GSAP: variants seen among roughly 807,000 people sequenced by gnomAD.
GSAP encodes gamma-secretase-activating protein.
In GSAP, 118 loss-of-function variants were observed where a neutral mutation model predicts 131.7. The ratio of observed to expected loss-of-function variants is 0.90; its 90% CI spans 0.77 to 1.04. The LOEUF (loss-of-function observed/expected upper bound fraction) is 1.04. Among genes scored for constraint, GSAP ranks in the 50% least tolerant of loss-of-function variants. The pLI, the probability that GSAP is intolerant of heterozygous loss-of-function variation, is 0.00. For synonymous variants in GSAP, 381 were observed against 363.4 expected, an observed-to-expected ratio of 1.05 and a Z score of -0.55; for missense variants, 1,019 against 1,013.2, an observed-to-expected ratio of 1.01 and a Z score of -0.08.
intron 1 of GSAP, among the ~76,000 whole-genome samples, chr7:77,412,733 T>C (rs1388428273): frequency 3.6e-5 from 5 of 139,274 alleles, no homozygotes; most frequent in African/African-American, 1.4e-4. Context: ...ATAGAGATGC[T>C]CAACCTCGGA....
intron 18 of GSAP, 81 bp downstream of exon 18, chr7:77,352,863 G>A: frequency 1.3e-6 from 1 of 768,620 alleles, no homozygotes; most frequent in Non-Finnish European, 2.2e-6. Context: ...GACCTTGATG[G>A]CTATAAGAGA....
intron 5 of GSAP, among the ~76,000 whole-genome samples, chr7:77,391,233 A>AT (rs566409163): frequency 2.0e-4 from 30 of 151,670 alleles, no homozygotes; most frequent in Non-Finnish European, 3.2e-4. Context: ...TATCAGCAAG[A>AT]TTTTCTTACC....
intron 19 of GSAP, among the ~76,000 whole-genome samples, chr7:77,345,860 T>G (rs1791724241): frequency 6.6e-6 from 1 of 152,218 alleles, no homozygotes; most frequent in Non-Finnish European, 1.5e-5. Flanking sequence ...TGGTGGTCTC[T>G]TCACCTGGAC....
chr7:77,333,041 C>T (rs1386890456), intron 19 of GSAP, among the ~76,000 whole-genome samples: 6 of 152,120 alleles, frequency 3.9e-5, no homozygotes, highest in Admixed American at 2.6e-4. Flanking sequence ...GTCGCATGCA[C>T]CTGTAGTCCC....
intron 15 of GSAP, 46 bp downstream of exon 15, chr7:77,355,509 C>G (rs749457564): frequency 6.5e-7 from 1 of 1,527,418 alleles, no homozygotes; most frequent in South Asian, 1.2e-5. Flanking sequence ...AAAGTCAAAA[C>G]AAACTCAAAT....
intron 5 of GSAP, among the ~76,000 whole-genome samples, chr7:77,389,139 ATTT>A (rs1020725553): frequency 6.6e-6 from 1 of 151,964 alleles, no homozygotes; most frequent in African/African-American, 2.4e-5. Flanking sequence ...GGGAAAATGA[ATTT>A]TTCTTATTGT....
At chr7:77,407,633 TTAG>T (rs1426093436) in intron 1 of GSAP, among the ~76,000 whole-genome samples, 1 of 152,190 alleles carries the variant, frequency 6.6e-6, no homozygotes, top group Non-Finnish European at 1.5e-5. Context: ...TTATTATGTT[TTAG>T]TATTATGTGA....
intron 20 of GSAP, 65 bp downstream of exon 20, chr7:77,330,174 G>A (rs1788888280): frequency 1.3e-6 from 2 of 1,515,690 alleles, no homozygotes; most frequent in Non-Finnish European, 1.8e-6. Flanking sequence ...ATGATTTAAA[G>A]GCATCACCTG....
Position 77,394,401 on chromosome 7 carries a change from C to T in GSAP, c.367+2581G>A, listed in dbSNP as rs531162608. On this transcript the variant is annotated intron_variant, in intron 5 of 30. Transcript: ENST00000257626. ...GCCAGAAATGTGCTTTCTCCATAGCCTCGTGCTTGTTCCATCCCCACCTTC... is the reference window on the plus strand; with the variant it reads ...GCCAGAAATGTGCTTTCTCCATAGCTTCGTGCTTGTTCCATCCCCACCTTC... Among the ~76,000 whole-genome samples the T allele has an allele frequency of 1.4e-4, 21 of 152,184 alleles. 1 individual carries two copies. Among genetic ancestry groups the T allele is most frequent in the Non-Finnish European group, 2.6e-4 (18 of 68,028 alleles).
At chr7:77,327,770 A>T (rs769713569) in intron 22 of GSAP, among the ~76,000 whole-genome samples, 1 of 152,080 alleles carries the variant, frequency 6.6e-6, no homozygotes, top group African/African-American at 2.4e-5. Context: ...GTTTATCAAG[A>T]CTTAACTCAC....
Position 77,348,857 on chromosome 7 carries a change from C to T in GSAP, c.1545+494G>A, listed in dbSNP as rs142581453. On this transcript the variant is annotated intron_variant, in intron 19 of 30. Transcript: ENST00000257626. The stretch of plus-strand genomic sequence containing the variant: ...GCCAATACAGATCACTCCTGAGAAA[C>T]AAAAAAGCTGTTTTTACAACCAGAA... 6.8e-3 allele frequency among the ~76,000 whole-genome samples: 1,040 copies of T among 152,242 alleles called. 14 individuals are homozygous for T. Among genetic ancestry groups the T allele is most frequent in the African/African-American group, 0.023 (958 of 41,552 alleles).
intron 1 of GSAP, among the ~76,000 whole-genome samples, chr7:77,414,844 C>CTGTTTTTTTTT (rs1803994472): frequency 1.7e-5 from 1 of 59,858 alleles, no homozygotes; most frequent in Non-Finnish European, 2.8e-5. Context: ...ATGTGGGCGA[C>CTGTTTTTTTTT]TTTTTTTTTT....
intron 2 of GSAP, among the ~76,000 whole-genome samples, chr7:77,405,759 G>A (rs552730288): frequency 9.9e-5 from 15 of 152,098 alleles, no homozygotes; most frequent in East Asian, 1.9e-4. Flanking sequence ...GGCTGGTCTC[G>A]ATCTCATGAC....
At chr7:77,334,314 A>C (rs1304866073) in intron 19 of GSAP, among the ~76,000 whole-genome samples, 2 of 152,114 alleles carry the variant, frequency 1.3e-5, no homozygotes, top group African/African-American at 4.8e-5. Flanking sequence ...TCAGCAAACT[A>C]ACAAAGGAAG....
At chr7:77,335,228 C>A (rs1458964462) in intron 19 of GSAP, among the ~76,000 whole-genome samples, 1 of 152,060 alleles carries the variant, frequency 6.6e-6, no homozygotes, top group Non-Finnish European at 1.5e-5. Flanking sequence ...GGTGAAAACC[C>A]GGCTCTATTA....
intron 18 of GSAP, chr7:77,351,110 T>C (rs556987156): frequency 1.2e-5 from 12 of 974,910 alleles, no homozygotes; most frequent in African/African-American, 8.8e-5. Context: ...AAGGGTATCA[T>C]GGGGACAGAG....
chr7:77,316,138 A>T (rs1472963541), intron 26 of GSAP: 1 of 152,206 alleles, frequency 6.6e-6, no homozygotes, highest in East Asian at 1.9e-4. Context: ...TTGGAGTAAT[A>T]ATTTGCTACA....
chr7:77,316,407 C>T (rs556167216), intron 26 of GSAP: 10 of 151,690 alleles, frequency 6.6e-5, no homozygotes. Flanking sequence ...GGGCACAGTC[C>T]TAAGTCCTTG....
chr7:77,406,806 C>G (rs1482320313), intron 1 of GSAP, among the ~76,000 whole-genome samples: 1 of 152,096 alleles, frequency 6.6e-6, no homozygotes, highest in African/African-American at 2.4e-5. Context: ...GATACAGGAG[C>G]CGAGGGTAGG....
Sources: gnomAD v4.1 joint callset for allele counts (sites outside exome capture counted in the v4.1 genomes callset) on GRCh38, gnomAD v4.1.1 for gene constraint, MANE v1.5 for transcripts, NCBI Gene and HGNC (gene_info 2026-07-23, HGNC 2026-07-21) for gene names.